Variants in PEX5L observed in about 807,000 individuals in gnomAD.
PEX5L encodes the protein peroxisomal biogenesis factor 5 like.
A neutral mutation model predicts 84.0 loss-of-function variants in PEX5L; 30 were observed. That is an observed-to-expected ratio of 0.36 (90% CI 0.27 to 0.48). PEX5L has a LOEUF of 0.48. Among genes scored for constraint, PEX5L ranks in the 20% least tolerant of loss-of-function variants. The pLI is 0.99. For missense variants in PEX5L, 533 were observed against 754.6 expected (o/e 0.71, Z 3.44); for synonymous variants, 270 against 283.1 (o/e 0.95, Z 0.46).
At chr3:179,974,063 C>G (rs978064652) in intron 1 of PEX5L, 127 of 985,458 alleles carry the variant, frequency 1.3e-4, no homozygotes, top group Non-Finnish European at 1.5e-4. Context: ...ACTCAGCTTC[C>G]CACTTTGCTT....
At chr3:179,832,059 G>C (rs905529438) in intron 8 of PEX5L, among the ~76,000 whole-genome samples, 1 of 152,136 alleles carries the variant, frequency 6.6e-6, no homozygotes, top group Admixed American at 6.5e-5. Context: ...TCTCCACACC[G>C]AAGACAGCAA....
intron 1 of PEX5L, among the ~76,000 whole-genome samples, chr3:179,980,190 A>T: frequency 6.6e-6 from 1 of 152,170 alleles, no homozygotes. Flanking sequence ...GAATCAACCC[A>T]AAGTTTGTGC....
chr3:179,992,318 A>G (rs1195094905), intron 1 of PEX5L, among the ~76,000 whole-genome samples: 5 of 152,222 alleles, frequency 3.3e-5, no homozygotes, highest in Admixed American at 2.0e-4. Context: ...CATGTTACAG[A>G]TAAGAGAAAA....
At chr3:179,894,410 T>A (rs1200783049) in intron 3 of PEX5L, among the ~76,000 whole-genome samples, 1 of 152,064 alleles carries the variant, frequency 6.6e-6, no homozygotes, top group East Asian at 1.9e-4. Flanking sequence ...AGTCTTCTGG[T>A]AACGGATAAT....
At chr3:180,013,477 AT>A (rs2110477367) in intron 1 of PEX5L, among the ~76,000 whole-genome samples, 1 of 152,258 alleles carries the variant, frequency 6.6e-6, no homozygotes, top group African/African-American at 2.4e-5. Flanking sequence ...TGTCATTTAA[AT>A]ACTTATTTTC....
At chr3:179,888,841 C>T (rs180793053) in intron 3 of PEX5L, among the ~76,000 whole-genome samples, 33 of 152,076 alleles carry the variant, frequency 2.2e-4, no homozygotes, top group East Asian at 5.8e-4. Context: ...CATAACTCAC[C>T]GCATCCTCGA....
chr3:179,955,837 T>C lies in PEX5L; in HGVS notation c.93+15757A>G, dbSNP rs549392476. Among the ~76,000 whole-genome samples the C allele has an allele frequency of 1.7e-3, 256 of 152,286 alleles. 1 individual carries two copies. The highest frequency in any genetic ancestry group is 5.9e-3 in the African/African-American group (246 of 41,566). ...AAAAAACCCAATGTAATTAATTTGA[T>C]GAGTTATAAATTCATAAAATCATGC... On this transcript the variant is annotated intron_variant, in intron 2 of 14. Coordinates refer to ENST00000467460, the MANE Select transcript of PEX5L (RefSeq NM_016559.3).
At chr3:179,883,612 C>A (rs986533945) in intron 4 of PEX5L, among the ~76,000 whole-genome samples, 3 of 152,092 alleles carry the variant, frequency 2.0e-5, no homozygotes, top group Non-Finnish European at 4.4e-5. Flanking sequence ...GGAGAAACCC[C>A]GTCTCTACTA....
intron 8 of PEX5L, 109 bp downstream of exon 8, chr3:179,858,953 C>A: frequency 1.5e-6 from 1 of 685,996 alleles, no homozygotes; most frequent in Admixed American, 2.3e-5. Context: ...ATGGCTATTT[C>A]ATGTCTATAA....
At chr3:179,999,362 C>G (rs1435049541) in intron 1 of PEX5L, among the ~76,000 whole-genome samples, 1 of 152,212 alleles carries the variant, frequency 6.6e-6, no homozygotes, top group Non-Finnish European at 1.5e-5. Flanking sequence ...CCAGCCACCC[C>G]TGTCATCGCC....
intron 1 of PEX5L, among the ~76,000 whole-genome samples, chr3:180,035,023 A>G (rs1010648746): frequency 6.6e-6 from 1 of 152,176 alleles, no homozygotes; most frequent in Admixed American, 6.5e-5. Flanking sequence ...TCACAGTAAC[A>G]TATTTTTTAA....
intron 2 of PEX5L, among the ~76,000 whole-genome samples, chr3:179,913,410 T>C (rs1431825029): frequency 1.3e-5 from 2 of 152,164 alleles, no homozygotes; most frequent in South Asian, 2.1e-4. Flanking sequence ...TTAAAGATCT[T>C]ATTGCAAATT....
intron 7 of PEX5L, among the ~76,000 whole-genome samples, chr3:179,862,633 T>C (rs1746620678): frequency 6.6e-6 from 1 of 152,240 alleles, no homozygotes; most frequent in Non-Finnish European, 1.5e-5. Flanking sequence ...AATAAACATA[T>C]AAAAATTTCA....
intron 1 of PEX5L, among the ~76,000 whole-genome samples, chr3:180,002,791 C>T (rs1312272505): frequency 6.6e-6 from 1 of 152,036 alleles, no homozygotes; most frequent in African/African-American, 2.4e-5. Flanking sequence ...TAGTATTTCA[C>T]AAGAGAAGAC....
chr3:179,859,198 A>C, intron 7 of PEX5L, 41 bp from the exon 8 acceptor site: 1 of 1,381,390 alleles, frequency 7.2e-7, no homozygotes, highest in Non-Finnish European at 1.0e-6. Context: ...TATTAGAATC[A>C]CATGTTATTA....
At chr3:179,897,922 T>A (rs1209764323) in intron 3 of PEX5L, among the ~76,000 whole-genome samples, 1 of 152,124 alleles carries the variant, frequency 6.6e-6, no homozygotes, top group Non-Finnish European at 1.5e-5. Flanking sequence ...TAACTAAAGT[T>A]GAGTAATGAA....
At position 179,795,533 on chromosome 3, in the gene PEX5L, C is replaced by A. The variant is rs1165496872; in HGVS notation, c.*6295G>T. On this transcript the variant is annotated 3_prime_UTR_variant, in exon 15 of 15. Transcript: ENST00000467460. ...ATATTATTTCACTAAATCACTGATA[C>A]AGTATCACATAATATGCCAATCACT... The A allele has an allele frequency of 6.6e-6, 1 of 152,170 alleles. No homozygotes were observed. Among genetic ancestry groups the A allele is most frequent in the African/African-American group, 2.4e-5 (1 of 41,436 alleles). 9.4% of individuals were successfully genotyped at this position (152,170 alleles called of 1,614,324 possible).
At chr3:179,822,452 C>A (rs929535811) in intron 8 of PEX5L, among the ~76,000 whole-genome samples, 2 of 152,200 alleles carry the variant, frequency 1.3e-5, no homozygotes, top group Admixed American at 6.5e-5. Context: ...CCAGAACTCA[C>A]TGTTACCACT....
At chr3:180,026,053 C>T (rs1315194940) in intron 1 of PEX5L, among the ~76,000 whole-genome samples, 1 of 151,286 alleles carries the variant, frequency 6.6e-6, no homozygotes, top group African/African-American at 2.4e-5. Flanking sequence ...AGCTCTTAAG[C>T]ACTATGTTTT....
Sources: gnomAD v4.1 joint callset for allele counts (sites outside exome capture counted in the v4.1 genomes callset) on GRCh38, gnomAD v4.1.1 for gene constraint, MANE v1.5 for transcripts, NCBI Gene and HGNC (gene_info 2026-07-23, HGNC 2026-07-21) for gene names.